CD244: variants seen among roughly 807,000 people sequenced by gnomAD.
The protein encoded by CD244 is natural killer cell receptor 2B4.
Under a neutral mutation model 45.5 loss-of-function variants are expected in CD244, and 20 were observed. That is an observed-to-expected ratio of 0.44 (90% CI 0.31 to 0.64). The LOEUF (loss-of-function observed/expected upper bound fraction) is 0.64. Among genes scored for constraint, CD244 ranks in the 30% least tolerant of loss-of-function variants. The pLI is 0.08. For missense variants in CD244, 407 were observed against 426.9 expected (o/e 0.95, Z 0.41); for synonymous variants, 185 against 160.5 (o/e 1.15, Z -1.15).
At position 160,832,446 on chromosome 1, in the gene CD244, T is replaced by G; in HGVS notation, c.1017+73A>C. 3 of 881,536 alleles carry G rather than the reference T, an allele frequency of 3.4e-6. No individual in the cohort carries two copies. The South Asian group carries it at 4.8e-5, about 14-fold the overall frequency. The allele number at this position is 881,536 out of a possible 1,614,324, so 54.6% of individuals were successfully genotyped here. On this transcript the variant is annotated intron_variant, in intron 8 of 8. Transcript: ENST00000368034. ...ACTGTGTGAATGATCTTTTCCTAAGTGTACCCTTTCATGGCTAGATTTCAG... is the reference window on the plus strand; with the variant it reads ...ACTGTGTGAATGATCTTTTCCTAAGGGTACCCTTTCATGGCTAGATTTCAG...
At chr1:160,861,880 A>G (rs1005230671) in intron 1 of CD244, among the ~76,000 whole-genome samples, 7 of 152,136 alleles carry the variant, frequency 4.6e-5, no homozygotes, top group African/African-American at 1.7e-4. Flanking sequence ...AAATAAATAA[A>G]TTAATTCAAT....
At chr1:160,843,536 C>T (rs1669620568) in intron 1 of CD244, among the ~76,000 whole-genome samples, 1 of 152,170 alleles carries the variant, frequency 6.6e-6, no homozygotes, top group Admixed American at 6.5e-5. Flanking sequence ...GGCATGATTC[C>T]TGACTCCAGA....
In CD244 at chr1:160,831,282, C is replaced by T. The variant is rs1192277761; in HGVS notation, c.*65G>A. ...TGTTCTATAGAGACTCCTGTGCCGT[C>T]ATCCACTGTGCCAATTCCCAAAGCA... On this transcript the variant is annotated 3_prime_UTR_variant, in exon 9 of 9. Transcript: ENST00000368034. The T allele has an allele frequency of 2.6e-6, 3 of 1,155,196 alleles. No homozygotes were observed. Among genetic ancestry groups the T allele is most frequent in the African/African-American group, 1.5e-5 (1 of 66,012 alleles). The allele number at this position is 1,155,196 out of a possible 1,614,324, so 71.6% of individuals were successfully genotyped here.
intron 1 of CD244, among the ~76,000 whole-genome samples, chr1:160,851,042 G>C (rs1557841606): frequency 6.6e-6 from 1 of 152,208 alleles, no homozygotes; most frequent in Non-Finnish European, 1.5e-5. Flanking sequence ...ATAGGACAAG[G>C]TGTAGGGGAA....
rs73020001 is a variant in CD244 at position 160,832,391 on chromosome 1, G to A, written c.1017+128C>T. ...ATCTCTAAAACAAAGACTTGCATTA[G>A]AAGATCTCTAAATTCCCTACAACTC... On this transcript the variant is annotated intron_variant, in intron 8 of 8. Coordinates refer to ENST00000368034, the MANE Select transcript of CD244 (RefSeq NM_016382.4). 2,142 of 656,686 alleles carry A rather than the reference G, an allele frequency of 3.3e-3. 31 individuals carry two copies. The African/African-American group carries it at 0.036, about 11-fold the overall frequency. The allele number at this position is 656,686 out of a possible 1,614,324, so 40.7% of individuals were successfully genotyped here.
At position 160,839,024 on chromosome 1, in the gene CD244, C is replaced by T. The variant is rs761703127; in HGVS notation, c.681G>A (p.Val227=). The part of the protein sequence containing the change: ...HQEFRFWPFL[V]IIVILSALFL... ...ACAGTGCGCTTAGAATCACGATGATCACCAAAAACGGCCAAAATCTGAATT... is the reference window on the plus strand; with the variant it reads ...ACAGTGCGCTTAGAATCACGATGATTACCAAAAACGGCCAAAATCTGAATT... Residue 227 remains valine, a synonymous_variant, in exon 4 of 9, where the codon GTG becomes GTA. Transcript: ENST00000368034. 6.2e-7 allele frequency: 1 copy of T among 1,613,824 alleles called. No homozygotes were observed. The highest frequency in any genetic ancestry group is 1.1e-5 in the South Asian group (1 of 91,008).
At chr1:160,848,484 C>A in intron 1 of CD244, 2 of 536,622 alleles carry the variant, frequency 3.7e-6, no homozygotes. Context: ...ATCACCATTG[C>A]TGAGTGTAGA....
chr1:160,859,014 C>T (rs1670202199), intron 1 of CD244, among the ~76,000 whole-genome samples: 1 of 152,038 alleles, frequency 6.6e-6, no homozygotes, highest in African/African-American at 2.4e-5. Flanking sequence ...AAATGAAAAA[C>T]ATAAGTAAAC....
chr1:160,848,217 A>G lies in CD244; in HGVS notation c.62-6316T>C, dbSNP rs137881987. ...TGCCAGGATGTTGACATCACACACC[A>G]TAATGGCACTGGTGGCAAGTTCATC... On this transcript the variant is annotated intron_variant, in intron 1 of 8. Transcript: ENST00000368034. 34 of 544,628 alleles carry G rather than the reference A, an allele frequency of 6.2e-5. No homozygotes were observed. The East Asian group carries it at 1.5e-3, about 25-fold the overall frequency. The allele number at this position is 544,628 out of a possible 1,614,324, so 33.7% of individuals were successfully genotyped here.
Position 160,841,747 on chromosome 1 carries a change from G to A in CD244, c.216C>T (p.Gly72=), listed in dbSNP as rs754087686. Residue 72 remains glycine, a synonymous_variant, in exon 2 of 9, where the codon GGC becomes GGT. Coordinates refer to ENST00000368034, the MANE Select transcript of CD244 (RefSeq NM_016382.4). ...GFHHILKWEN[G]SLPSNTSNDR... ...CATTGGAAGTATTGGAAGGCAAAGA[G>A]CCATTCTCCCACTTCAATATGTGAT... 11 of 1,614,178 alleles carry A rather than the reference G, an allele frequency of 6.8e-6. No individual in the cohort carries two copies. Among genetic ancestry groups the A allele is most frequent in the Non-Finnish European group, 8.5e-7 (1 of 1,180,032 alleles).
chr1:160,837,289 A>G (rs1669367513), intron 5 of CD244, among the ~76,000 whole-genome samples: 1 of 152,132 alleles, frequency 6.6e-6, no homozygotes, highest in Admixed American at 6.5e-5. Flanking sequence ...ATCTCAAGTC[A>G]TCTTCTTTTT....
chr1:160,847,070 T>C (rs935531711), intron 1 of CD244, among the ~76,000 whole-genome samples: 1 of 149,052 alleles, frequency 6.7e-6, no homozygotes, highest in African/African-American at 2.5e-5. Flanking sequence ...ACGGAGAAAA[T>C]GAACAAAAAA....
intron 1 of CD244, among the ~76,000 whole-genome samples, chr1:160,858,973 T>C (rs1418055444): frequency 1.3e-5 from 2 of 152,030 alleles, no homozygotes; most frequent in African/African-American, 2.4e-5. Flanking sequence ...TCTTACAGTC[T>C]AGGGGGCTGA....
At chr1:160,861,762 G>A (rs1417593860) in intron 1 of CD244, among the ~76,000 whole-genome samples, 1 of 152,214 alleles carries the variant, frequency 6.6e-6, no homozygotes, top group East Asian at 1.9e-4. Flanking sequence ...ACTTGAACCC[G>A]GGAGGCAGAG....
At chr1:160,849,024 T>C (rs1419135851) in intron 1 of CD244, among the ~76,000 whole-genome samples, 1 of 152,162 alleles carries the variant, frequency 6.6e-6, no homozygotes, top group Non-Finnish European at 1.5e-5. Context: ...AGGGGTGGTG[T>C]TGGGGACTGA....
chr1:160,861,498 T>G (rs913015385), intron 1 of CD244, among the ~76,000 whole-genome samples: 7 of 152,130 alleles, frequency 4.6e-5, no homozygotes, highest in Non-Finnish European at 8.8e-5. Context: ...TTCCACGCTC[T>G]CCACCTCCGT....
At chr1:160,834,243 C>G (rs1038367714) in intron 6 of CD244, 127 bp from the exon 7 acceptor site, 2 of 678,260 alleles carry the variant, frequency 2.9e-6, no homozygotes, top group Admixed American at 2.6e-5. Context: ...TGAAAAGAGC[C>G]CTGGACTAGC....
rs1353642070 is a variant in CD244, at chr1:160,830,494, G to A, written c.*853C>T. Reference sequence around the variant, plus strand: ...CCCTCCCTTCAATGTGCATCCTGGGGAACACTCATCAGGACTCAGAACTTA... The same window carrying A: ...CCCTCCCTTCAATGTGCATCCTGGGAAACACTCATCAGGACTCAGAACTTA... On this transcript the variant is annotated 3_prime_UTR_variant, in exon 9 of 9. Coordinates refer to ENST00000368034, the MANE Select transcript of CD244 (RefSeq NM_016382.4). 6.6e-6 allele frequency: 1 copy of A among 152,358 alleles called. No individual in the cohort carries two copies. The highest frequency in any genetic ancestry group is 1.9e-4 in the East Asian group (1 of 5,330). The allele number at this position is 152,358 out of a possible 1,614,324, so 9.4% of individuals were successfully genotyped here.
intron 1 of CD244, among the ~76,000 whole-genome samples, chr1:160,846,830 T>C (rs114130228): frequency 0.028 from 4,314 of 152,106 alleles, 177 homozygotes; most frequent in African/African-American, 0.083. Flanking sequence ...TGAAAAACAA[T>C]AGAAACAGAT....
Sources: gnomAD v4.1 joint callset for allele counts (sites outside exome capture counted in the v4.1 genomes callset) on GRCh38, gnomAD v4.1.1 for gene constraint, MANE v1.5 for transcripts, NCBI Gene and HGNC (gene_info 2026-07-23, HGNC 2026-07-21) for gene names.